CDKL5: variants seen among roughly 807,000 people sequenced by gnomAD.
CDKL5 encodes cyclin-dependent kinase-like 5.
CDKL5 carries 8 observed loss-of-function variants against 61.7 expected under a neutral mutation model. That is an observed-to-expected ratio of 0.13 (90% CI 0.08 to 0.23). The LOEUF (loss-of-function observed/expected upper bound fraction) is 0.23, where lower values mean the gene tolerates loss of function less well. Among genes scored for constraint, CDKL5 ranks in the 10% least tolerant of loss-of-function variants. CDKL5 has a pLI of 1.00. For synonymous variants in CDKL5, 275 were observed against 272.3 expected (o/e 1.01, Z -0.10); for missense variants, 440 against 734.5 (o/e 0.60, Z 4.63).
chrX:18,568,973 G>A (rs1400441639), intron 4 of CDKL5, among the ~76,000 whole-genome samples: 2 of 111,704 alleles, frequency 1.8e-5, no homozygotes, highest in Non-Finnish European at 3.8e-5. Flanking sequence ...GCGATTACAG[G>A]CATGAGCCAC....
At chrX:18,551,124 C>T (rs1482707739) in intron 3 of CDKL5, among the ~76,000 whole-genome samples, 3 of 111,885 alleles carry the variant, frequency 2.7e-5, no homozygotes, top group Non-Finnish European at 5.6e-5. Flanking sequence ...CTGAATGTCT[C>T]ATTTTTCATT....
chrX:18,564,526 G>GAT lies in CDKL5; in HGVS notation c.145+27_145+28dup, dbSNP rs745969938. On this transcript the variant is annotated splice_donor_region_variant and intron_variant, in intron 4 of 17. Transcript: ENST00000623535. The stretch of plus-strand genomic sequence containing the variant: ...AAGAAATTCAAGGACAGTGAAGGTA[G>GAT]ATATATATATATATATATATATATC... 0.053 allele frequency: 29,270 copies of GAT among 554,758 alleles called. 4 individuals are homozygous for GAT. The highest frequency in any genetic ancestry group is 0.058 in the Non-Finnish European group (21,487 of 370,031). 45.7% of individuals were successfully genotyped at this position (554,758 alleles called of 1,213,427 possible). A position where few individuals can be genotyped will look rare whatever the true frequency, so the allele number is the denominator to read the frequency against.
chrX:18,613,124 A>G (rs1260545250), intron 14 of CDKL5, 28 bp from the exon 15 acceptor site: 2 of 1,098,510 alleles, frequency 1.8e-6, no homozygotes, highest in Admixed American at 2.4e-5. Context: ...AGAAAAGTCC[A>G]TCAGTGACTT....
chrX:18,467,325 C>T (rs1224386939), intron 1 of CDKL5, among the ~76,000 whole-genome samples: 2 of 111,334 alleles, frequency 1.8e-5, no homozygotes, highest in African/African-American at 6.5e-5. Flanking sequence ...TGAAGGTTGC[C>T]AGGTGGAGGT....
In CDKL5 at chrX:18,634,660, C is replaced by G; in HGVS notation, c.*5903C>G. On this transcript the variant is annotated 3_prime_UTR_variant, in exon 18 of 18. Transcript: ENST00000623535. ...CTCCCCTTGTTTACTCTTTGGTCAC[C>G]GATCGAGTCAGGCTAGAGGGGTAAT... is the stretch of plus-strand genomic sequence containing the variant. 1 of 753,300 alleles carries G rather than the reference C, an allele frequency of 1.3e-6. No individual in the cohort carries two copies. Among genetic ancestry groups the G allele is most frequent in the Non-Finnish European group, 1.6e-6 (1 of 639,082 alleles). 62.1% of individuals were successfully genotyped at this position (753,300 alleles called of 1,213,427 possible).
intron 7 of CDKL5, among the ~76,000 whole-genome samples, chrX:18,582,766 C>G (rs1925523921): frequency 9.0e-6 from 1 of 111,223 alleles, no homozygotes; most frequent in African/African-American, 3.3e-5. Context: ...ATTACACAAG[C>G]AAGAAATAGA....
chrX:18,581,234 G>T (rs992125479), intron 6 of CDKL5, among the ~76,000 whole-genome samples: 3 of 111,353 alleles, frequency 2.7e-5, no homozygotes, highest in African/African-American at 9.8e-5. Flanking sequence ...ATACAATTGC[G>T]AGATGCCTCC....
Position 18,633,045 on chromosome X carries a change from C to T in CDKL5, c.*4288C>T. Reference sequence around the variant, plus strand: ...AACTCTTTCAGCAAGGGCAATGGCTCAATGTGATTCGGTGCTGGAGCTCAG... The same window carrying T: ...AACTCTTTCAGCAAGGGCAATGGCTTAATGTGATTCGGTGCTGGAGCTCAG... On this transcript the variant is annotated 3_prime_UTR_variant, in exon 18 of 18. Transcript: ENST00000623535. 1 of 753,885 alleles carries T rather than the reference C, an allele frequency of 1.3e-6. No homozygotes were observed. The highest frequency in any genetic ancestry group is 1.6e-6 in the Non-Finnish European group (1 of 639,030). The allele number at this position is 753,885 out of a possible 1,213,427, so 62.1% of individuals were successfully genotyped here.
At position 18,608,699 on chromosome X, in the gene CDKL5, A is replaced by G. The variant is rs765222257; in HGVS notation, c.1945-112A>G. ...GGACTATTTGTATTTTAGCCAACTA[A>G]CATTTTTTATTTTAGCTGGTTATGG... On this transcript the variant is annotated intron_variant, in intron 12 of 17. Coordinates refer to ENST00000623535, the MANE Select transcript of CDKL5 (RefSeq NM_001323289.2). 3.6e-5 allele frequency: 19 copies of G among 533,828 alleles called. No individual in the cohort carries two copies. In the South Asian group the frequency reaches 4.9e-4, roughly 14 times the overall value. The allele number at this position is 533,828 out of a possible 1,213,427, so 44.0% of individuals were successfully genotyped here.
At chrX:18,559,637 T>TTTA (rs1293162089) in intron 3 of CDKL5, among the ~76,000 whole-genome samples, 9 of 109,210 alleles carry the variant, frequency 8.2e-5, no homozygotes, top group Non-Finnish European at 1.5e-4. Flanking sequence ...TTTTTTTCTT[T>TTTA]TTATTATTAT....
At chrX:18,623,060 G>A (rs1311535540) in intron 16 of CDKL5, among the ~76,000 whole-genome samples, 1 of 112,031 alleles carries the variant, frequency 8.9e-6, no homozygotes, top group East Asian at 2.8e-4. Flanking sequence ...ATTCTGTATT[G>A]TAAAGGTGCC....
At chrX:18,449,911 C>T (rs1191460244) in intron 1 of CDKL5, among the ~76,000 whole-genome samples, 7 of 111,141 alleles carry the variant, frequency 6.3e-5, no homozygotes, top group African/African-American at 1.3e-4. Context: ...TCCCCTGCCT[C>T]GGCCTTCCGA....
intron 3 of CDKL5, among the ~76,000 whole-genome samples, chrX:18,564,165 T>A (rs1924887394): frequency 8.9e-6 from 1 of 111,784 alleles, no homozygotes; most frequent in South Asian, 3.7e-4. Context: ...CTGACACTCA[T>A]CCTGGCACTT....
intron 1 of CDKL5, among the ~76,000 whole-genome samples, chrX:18,461,705 A>C (rs1932291277): frequency 8.9e-6 from 1 of 112,040 alleles, no homozygotes; most frequent in African/African-American, 3.2e-5. Context: ...CCCTTTTGAA[A>C]TTCTAGTTCA....
intron 16 of CDKL5, among the ~76,000 whole-genome samples, chrX:18,621,261 T>A (rs1926881842): frequency 8.9e-6 from 1 of 111,942 alleles, no homozygotes; most frequent in Non-Finnish European, 1.9e-5. Flanking sequence ...TTCATAGCAA[T>A]GTGTATAAAT....
At chrX:18,481,322 TTCTTTCTTTC>T (rs1278490991) in intron 1 of CDKL5, among the ~76,000 whole-genome samples, 1 of 20,661 alleles carries the variant, frequency 4.8e-5, no homozygotes, top group Non-Finnish European at 8.7e-5. Context: ...GAGTCCTGGT[TTCTTTCTTTC>T]TTTCTTTCTT....
chrX:18,477,059 C>T (rs1159238332), intron 1 of CDKL5, among the ~76,000 whole-genome samples: 2 of 111,098 alleles, frequency 1.8e-5, no homozygotes, highest in African/African-American at 3.3e-5. Flanking sequence ...TGAGCCACTG[C>T]ACCTGGCCCT....
intron 4 of CDKL5, among the ~76,000 whole-genome samples, chrX:18,574,415 G>A (rs1350465289): frequency 1.8e-5 from 2 of 111,590 alleles, no homozygotes; most frequent in Non-Finnish European, 3.8e-5. Context: ...TTTTGGACTT[G>A]CAGATGAGGG....
intron 5 of CDKL5, among the ~76,000 whole-genome samples, chrX:18,578,034 A>G (rs1315753829): frequency 8.9e-6 from 1 of 112,026 alleles, no homozygotes; most frequent in Non-Finnish European, 1.9e-5. Flanking sequence ...TGAAGTTCTG[A>G]TTGGTCTTTT....
Sources: gnomAD v4.1 joint callset for allele counts (sites outside exome capture counted in the v4.1 genomes callset) on GRCh38, gnomAD v4.1.1 for gene constraint, MANE v1.5 for transcripts, NCBI Gene and HGNC (gene_info 2026-07-23, HGNC 2026-07-21) for gene names.